The following EIF2D variants were observed in gnomAD, a reference collection of about 807,000 sequenced individuals.
The protein encoded by EIF2D is eukaryotic translation initiation factor 2D.
In EIF2D, 56 loss-of-function variants were observed where a neutral mutation model predicts 77.4. That is an observed-to-expected ratio of 0.72 (90% CI 0.58 to 0.90). The LOEUF (loss-of-function observed/expected upper bound fraction) is 0.90, where lower values mean the gene tolerates loss of function less well. Among genes scored for constraint, EIF2D ranks in the 40% least tolerant of loss-of-function variants. The pLI is 0.00. For missense variants in EIF2D, 574 were observed against 706.5 expected, an observed-to-expected ratio of 0.81 and a Z score of 2.13; for synonymous variants, 230 against 271.0, an observed-to-expected ratio of 0.85 and a Z score of 1.49.
At chr1:206,611,435 A>G (rs1670493564) in intron 1 of EIF2D, 61 bp from the exon 2 acceptor site, 1 of 1,450,348 alleles carries the variant, frequency 6.9e-7, no homozygotes, top group African/African-American at 1.4e-5. Context: ...AAATATCAAG[A>G]ACGAACTCAA....
chr1:206,609,395 C>T lies in EIF2D; in HGVS notation c.312G>A (p.Glu104=). 2 of 1,614,202 alleles carry T rather than the reference C, an allele frequency of 1.2e-6. No individual in the cohort carries two copies. Among genetic ancestry groups the T allele is most frequent in the Non-Finnish European group, 1.7e-6 (2 of 1,180,030 alleles). Residue 104 remains glutamate (E), a synonymous_variant, in exon 3 of 15, where the codon GAG becomes GAA. Transcript: ENST00000271764. ...PTFTTWPLVL[E]KLVGGADLML... is the part of the protein sequence containing the mutation. ...TCTTACCTGCTCCCCCTACCAGTTT[C>T]TCGAGCACCAGAGGCCATGTTGTAA...
chr1:206,599,326 G>T lies in EIF2D; in HGVS notation c.1202+137C>A. ...AGGAACTTGCCCAGGGAAGAAGGCT[G>T]GAAGCTGGATTTTGGAGAAGGGGAG... On this transcript the variant is annotated intron_variant, in intron 10 of 14. Coordinates refer to ENST00000271764, the MANE Select transcript of EIF2D (RefSeq NM_006893.3). This position sits in a 1 kb window ranked among gnomAD's most constrained non-coding sequence, Gnocchi z 4.1. 8.1e-7 allele frequency: 1 copy of T among 1,232,358 alleles called. No homozygotes were observed. 76.3% of individuals were successfully genotyped at this position (1,232,358 alleles called of 1,614,324 possible).
In EIF2D at chr1:206,595,800, A is replaced by G. The variant is rs782338216; in HGVS notation, c.1427T>C (p.Leu476Pro). Residue 476 changes from leucine to proline, a missense_variant, in exon 13 of 15, where the codon CTT becomes CCT. Physicochemically the swap from Leu to Pro is moderately conservative, Grantham distance 98. Coordinates refer to ENST00000271764, the MANE Select transcript of EIF2D (RefSeq NM_006893.3). ...CTTCACAATGGGCTCTTGTCCGGGAAGGGTCACTTGATAGGCAGGCTGTAA... is the reference window on the plus strand; with the variant it reads ...CTTCACAATGGGCTCTTGTCCGGGAGGGGTCACTTGATAGGCAGGCTGTAA... ...EKLQPAYQVT[L>P]PGQEPIVKKG... 1.2e-6 allele frequency: 2 copies of G among 1,614,168 alleles called. No homozygotes were observed. Among genetic ancestry groups the G allele is most frequent in the African/African-American group, 2.7e-5 (2 of 75,044 alleles).
chr1:206,590,559 ATCCCTT>A (rs1669309178), downstream of EIF2D, among the ~76,000 whole-genome samples: 1 of 152,184 alleles, frequency 6.6e-6, no homozygotes, highest in African/African-American at 2.4e-5. Flanking sequence ...ATTTCTGGAA[ATCCCTT>A]TCCTAGTTTC....
At chr1:206,591,582 C>T (rs1669338449), downstream of EIF2D, 2 of 615,842 alleles carry the variant, frequency 3.2e-6, no homozygotes. Context: ...ATTTAGAATA[C>T]TCCCGACTTC....
At chr1:206,594,629 G>A (rs1553409707) in intron 13 of EIF2D, 1 of 152,108 alleles carries the variant, frequency 6.6e-6, no homozygotes. Flanking sequence ...GAATCAATAA[G>A]ACTTTAGAGG....
In EIF2D at chr1:206,599,511, T is replaced by A; in HGVS notation, c.1154A>T (p.Tyr385Phe). 6.2e-7 allele frequency: 1 copy of A among 1,613,464 alleles called. No homozygotes were observed. The highest frequency in any genetic ancestry group is 8.5e-7 in the Non-Finnish European group (1 of 1,179,734). The change falls in exon 10 of 15, where the codon TAC (tyrosine) becomes TTC (phenylalanine). Residue 385 changes from tyrosine to phenylalanine, a missense_variant. By Grantham distance (22) the Tyr-to-Phe change is conservative. Transcript: ENST00000271764. This position sits in a 1 kb window ranked among gnomAD's most constrained non-coding sequence, Gnocchi z 4.1. ...PYHPPDIKPL[Y>F]CVPASMTLLF... ...CAGGGTCATGCTGGCTGGGACACAGTAGAGGGGTTTTATATCTGGAGGGTG... is the reference window on the plus strand; with the variant it reads ...CAGGGTCATGCTGGCTGGGACACAGAAGAGGGGTTTTATATCTGGAGGGTG...
intron 4 of EIF2D, among the ~76,000 whole-genome samples, chr1:206,606,077 A>C (rs1460438444): frequency 6.6e-6 from 1 of 152,246 alleles, no homozygotes; most frequent in Admixed American, 6.5e-5. Flanking sequence ...AAAAACAACC[A>C]CATATATAGT....
chr1:206,583,267 A>G (rs1668966314), intron 2 of EIF2D: 3 of 1,604,706 alleles, frequency 1.9e-6, no homozygotes, highest in African/African-American at 1.3e-5. Flanking sequence ...TGTCTCTTCC[A>G]GAATGTCTGT....
chr1:206,590,705 T>A (rs1341509059), downstream of EIF2D, among the ~76,000 whole-genome samples: 2 of 152,340 alleles, frequency 1.3e-5, no homozygotes, highest in African/African-American at 4.8e-5. Flanking sequence ...CATTCCTTTT[T>A]TCCTTTTCAA....
chr1:206,608,287 A>C lies in EIF2D; in HGVS notation c.371T>G (p.Leu124Arg). ...LPGLVMPPAG[L>R]PQVQKGDLCA... ...GAGGTCGCCCTTCTGTACCTGAGGC[A>C]GACCAGCAGGGGGCATCACCAGTCC... is the stretch of plus-strand genomic sequence containing the variant. The change falls in exon 4 of 15, where the codon CTG (leucine) becomes CGG (arginine). Residue 124 changes from leucine to arginine, a missense_variant. Transcript: ENST00000271764. 6.2e-7 allele frequency: 1 copy of C among 1,613,826 alleles called. No homozygotes were observed. Among genetic ancestry groups the C allele is most frequent in the Non-Finnish European group, 8.5e-7 (1 of 1,179,814 alleles).
intron 4 of EIF2D, among the ~76,000 whole-genome samples, chr1:206,578,260 G>GTGTGTGTGTA (rs1339815554): frequency 7.1e-4 from 107 of 151,170 alleles, no homozygotes; most frequent in African/African-American, 2.3e-3. Context: ...GTGTGTGTGT[G>GTGTGTGTGTA]TGTAAGTAGA....
chr1:206,602,199 C>A, intron 7 of EIF2D, 137 bp downstream of exon 7: 1 of 626,148 alleles, frequency 1.6e-6, no homozygotes, highest in South Asian at 2.0e-5. Context: ...ATGTATTTGT[C>A]AGATAAGCCT....
intron 2 of EIF2D, chr1:206,585,708 A>G (rs1028054977): frequency 3.1e-5 from 5 of 162,384 alleles, no homozygotes; most frequent in African/African-American, 1.2e-4. Flanking sequence ...CTTGACCTCC[A>G]TCCCCCAAGG....
intron 1 of EIF2D, 21 bp downstream of exon 1, chr1:206,612,266 C>A: frequency 6.2e-7 from 1 of 1,614,230 alleles, no homozygotes; most frequent in East Asian, 2.2e-5. Flanking sequence ...CGTGGCAGAG[C>A]AGGCCCCTTT....
intron 14 of EIF2D, 106 bp downstream of exon 14, chr1:206,593,513 G>GTGTGTGCA: frequency 1.5e-6 from 1 of 657,510 alleles, no homozygotes; most frequent in South Asian, 2.1e-5. Flanking sequence ...GAGAGAGTGT[G>GTGTGTGCA]TGTGTGTGTG....
intron 5 of EIF2D, chr1:206,604,701 C>A (rs1670101871): frequency 6.9e-6 from 1 of 145,492 alleles, no homozygotes; most frequent in Non-Finnish European, 1.5e-5. Flanking sequence ...CCACTGCACT[C>A]CAACCTGGGC....
chr1:206,571,208 C>A (rs1258265192), downstream of EIF2D: 9 of 151,514 alleles, frequency 5.9e-5, no homozygotes, highest in Non-Finnish European at 1.5e-5. Flanking sequence ...AGCATTTTTT[C>A]ATGTGTTTGT....
chr1:206,602,282 A>G, intron 7 of EIF2D, 54 bp downstream of exon 7: 3 of 1,416,742 alleles, frequency 2.1e-6, no homozygotes, highest in Non-Finnish European at 3.0e-6. Context: ...ACTACCAAGG[A>G]GCACACGTGA....
Sources: gnomAD v4.1 joint callset for allele counts (sites outside exome capture counted in the v4.1 genomes callset) on GRCh38, gnomAD v4.1.1 for gene constraint, Gnocchi (gnomAD v3.1) non-coding constraint, MANE v1.5 for transcripts, NCBI Gene and HGNC (gene_info 2026-07-23, HGNC 2026-07-21) for gene names.